Variants in WDR86 observed in about 807,000 individuals in gnomAD.
WDR86 encodes the protein WD repeat domain 86.
In WDR86, 30 loss-of-function variants were observed where a neutral mutation model predicts 36.5. The ratio of observed to expected loss-of-function variants is 0.82; its 90% CI spans 0.61 to 1.11. WDR86 has a LOEUF of 1.11. Ranked by LOEUF, WDR86 falls within the 50% of genes most tolerant of loss-of-function variation. The probability of loss-of-function intolerance (pLI) is 0.00; values close to 1 mark genes in which losing one functional copy is unlikely to be tolerated. For missense variants in WDR86, 545 were observed against 561.2 expected, an observed-to-expected ratio of 0.97 and a Z score of 0.29; for synonymous variants, 255 against 252.9, an observed-to-expected ratio of 1.01 and a Z score of -0.08.
At chr7:151,382,535 C>T (rs962564267) in intron 4 of WDR86, among the ~76,000 whole-genome samples, 1 of 152,254 alleles carries the variant, frequency 6.6e-6, no homozygotes, top group African/African-American at 2.4e-5. Flanking sequence ...CCAACTGCAA[C>T]CTGCATTTGC....
downstream of WDR86, chr7:151,374,131 A>G: frequency 1.9e-6 from 3 of 1,569,462 alleles, 1 homozygote; most frequent in South Asian, 2.4e-5. Flanking sequence ...GAAAAAGAGA[A>G]GAAAAGACGC....
At chr7:151,371,824 A>C (rs979939518), downstream of WDR86, among the ~76,000 whole-genome samples, 3 of 152,062 alleles carry the variant, frequency 2.0e-5, no homozygotes, top group Non-Finnish European at 4.4e-5. Flanking sequence ...GCTCACTGCA[A>C]CCTTGATCTC....
intron 1 of WDR86, among the ~76,000 whole-genome samples, chr7:151,404,769 G>A (rs1057379496): frequency 6.6e-5 from 10 of 152,232 alleles, no homozygotes; most frequent in Non-Finnish European, 1.2e-4. Context: ...CCAAGGTAGC[G>A]CCTGCACACC....
At chr7:151,376,643 A>G (rs749954813), downstream of WDR86, 32 of 1,610,514 alleles carry the variant, frequency 2.0e-5, no homozygotes, top group East Asian at 4.5e-5. Context: ...GTTGGTGTAC[A>G]TGGGTTTTGA....
At position 151,384,205 on chromosome 7, in the gene WDR86, G is replaced by A. The variant is rs188171879; in HGVS notation, c.862+883C>T. ...CCAGAGGCAGAGCCAAATGGCCCGA[G>A]AGTGTGACAAGTTGAGACCTGTAGG... On this transcript the variant is annotated intron_variant, in intron 4 of 5. Coordinates refer to ENST00000334493, the MANE Select transcript of WDR86 (RefSeq NM_198285.3). Among the ~76,000 whole-genome samples the A allele has an allele frequency of 1.1e-4, 16 of 152,328 alleles. No homozygotes were observed. The East Asian group carries it at 3.1e-3, about 29-fold the overall frequency.
At chr7:151,399,709 C>T (rs1464436194) in intron 2 of WDR86, among the ~76,000 whole-genome samples, 1 of 152,244 alleles carries the variant, frequency 6.6e-6, no homozygotes, top group Non-Finnish European at 1.5e-5. Context: ...AACAATCCCC[C>T]ACACTCCTCC....
chr7:151,386,820 T>TTCCAC (rs1799021217), intron 3 of WDR86, among the ~76,000 whole-genome samples: 1 of 152,096 alleles, frequency 6.6e-6, no homozygotes, highest in Non-Finnish European at 1.5e-5. Flanking sequence ...ATATCCTGGT[T>TTCCAC]TCCACTCCAC....
rs1458232947 is a variant in WDR86, at chr7:151,388,574, T to C, written c.727-3351A>G. ...TCTCCAAAGGAGGCCTGTGTGCTCC[T>C]GGCTCTGTCCCCACCTGGCTTCTGG... On this transcript the variant is annotated intron_variant, in intron 3 of 5. Transcript: ENST00000334493. This position sits in a 1 kb window ranked among gnomAD's most constrained non-coding sequence, Gnocchi z 4.2. 6.6e-6 allele frequency among the ~76,000 whole-genome samples: 1 copy of C among 152,198 alleles called. No homozygotes were observed. The highest frequency in any genetic ancestry group is 2.4e-5 in the African/African-American group (1 of 41,466).
At chr7:151,385,590 AG>A (rs773448724) in intron 3 of WDR86, among the ~76,000 whole-genome samples, 22 of 152,272 alleles carry the variant, frequency 1.4e-4, no homozygotes, top group Middle Eastern at 3.4e-3. Flanking sequence ...CTGGCTGAGG[AG>A]AGGGCTTCCA....
In WDR86 at chr7:151,406,128, G is replaced by A. The variant is rs1202454805; in HGVS notation, c.163+3299C>T. 6.6e-6 allele frequency among the ~76,000 whole-genome samples: 1 copy of A among 152,152 alleles called. No individual in the cohort carries two copies. The highest frequency in any genetic ancestry group is 1.5e-5 in the Non-Finnish European group (1 of 68,022). Reference sequence around the variant, plus strand: ...CTTTTTCACTGTGAGCTCACCAACCGCATTTGAAAGGCAATTCCGTGTATG... The same window carrying A: ...CTTTTTCACTGTGAGCTCACCAACCACATTTGAAAGGCAATTCCGTGTATG... On this transcript the variant is annotated intron_variant, in intron 1 of 5. Transcript: ENST00000334493. The surrounding 1 kb of genome is among the most constrained non-coding windows in gnomAD (Gnocchi z 4.4).
chr7:151,375,852 T>C (rs1563032533), downstream of WDR86: 1 of 1,606,862 alleles, frequency 6.2e-7, no homozygotes, highest in East Asian at 2.2e-5. Flanking sequence ...TTTTAGATTC[T>C]GCTCAGCAAT....
Position 151,409,797 on chromosome 7 carries a change from TGCGGGGGGCG to T in WDR86, c.-218_-209del, listed in dbSNP as rs1180024324. Reference sequence around the variant, plus strand: ...CTCTGGGCCCGCGAACCCAGGGCGCTGCGGGGGGCGGCCCACTCGGGACCTCCGCCCTGGG... The same window carrying T: ...CTCTGGGCCCGCGAACCCAGGGCGCTGCCCACTCGGGACCTCCGCCCTGGG... On this transcript the variant is annotated 5_prime_UTR_variant, in exon 1 of 6. Transcript: ENST00000334493. The surrounding 1 kb of genome is among the most constrained non-coding windows in gnomAD (Gnocchi z 5.2). The T allele has an allele frequency of 7.9e-7, 1 of 1,264,186 alleles. No individual in the cohort carries two copies. Among genetic ancestry groups the T allele is most frequent in the African/African-American group, 1.6e-5 (1 of 64,038 alleles). 78.3% of individuals were successfully genotyped at this position (1,264,186 alleles called of 1,614,324 possible).
At chr7:151,402,154 C>T (rs914922298) in intron 1 of WDR86, among the ~76,000 whole-genome samples, 18 of 145,362 alleles carry the variant, frequency 1.2e-4, no homozygotes, top group South Asian at 2.2e-4. Context: ...AAGAGGAGGC[C>T]GTGAAGGTGA....
downstream of WDR86, among the ~76,000 whole-genome samples, chr7:151,373,692 C>T (rs1011554142): frequency 6.6e-6 from 1 of 152,212 alleles, no homozygotes; most frequent in African/African-American, 2.4e-5. Context: ...GGCTGGAAGG[C>T]CTTCCCACCG....
downstream of WDR86, chr7:151,375,815 G>T (rs1379747062): frequency 7.1e-7 from 1 of 1,416,336 alleles, no homozygotes; most frequent in Admixed American, 1.7e-5. Context: ...AGAGTTCTTA[G>T]TGATGGGTAA....
chr7:151,389,353 G>A (rs1049352095), intron 3 of WDR86, among the ~76,000 whole-genome samples: 4 of 152,136 alleles, frequency 2.6e-5, no homozygotes, highest in Non-Finnish European at 5.9e-5. Context: ...TGGAAAGGCT[G>A]CCCACGGGCT....
At chr7:151,394,795 G>A (rs529109473) in intron 3 of WDR86, among the ~76,000 whole-genome samples, 2 of 152,326 alleles carry the variant, frequency 1.3e-5, no homozygotes, top group African/African-American at 4.8e-5. Context: ...CAATGCGTTC[G>A]AGGATTTTCT....
At chr7:151,374,027 A>G (rs2150720069), downstream of WDR86, 1 of 1,467,226 alleles carries the variant, frequency 6.8e-7, no homozygotes, top group Non-Finnish European at 9.1e-7. Flanking sequence ...AGAATCCTGC[A>G]GAGCGCAGAC....
chr7:151,373,292 G>C (rs1244658686), downstream of WDR86, among the ~76,000 whole-genome samples: 1 of 152,188 alleles, frequency 6.6e-6, no homozygotes, highest in Non-Finnish European at 1.5e-5. Flanking sequence ...TAAATTCCTG[G>C]TTTTCAAACT....
Sources: gnomAD v4.1 joint callset for allele counts (sites outside exome capture counted in the v4.1 genomes callset) on GRCh38, gnomAD v4.1.1 for gene constraint, Gnocchi (gnomAD v3.1) non-coding constraint, MANE v1.5 for transcripts, NCBI Gene and HGNC (gene_info 2026-07-23, HGNC 2026-07-21) for gene names.